Variants in FGF8 observed in about 807,000 individuals in gnomAD.
The protein encoded by FGF8 is androgen-induced growth factor.
Under a neutral mutation model 29.7 loss-of-function variants are expected in FGF8, and 12 were observed. That is an observed-to-expected ratio of 0.40 (90% CI 0.26 to 0.65). FGF8 has a LOEUF of 0.65. Among genes scored for constraint, FGF8 ranks in the 30% least tolerant of loss-of-function variants. The probability of loss-of-function intolerance (pLI) is 0.37; values close to 1 mark genes in which losing one functional copy is unlikely to be tolerated. For synonymous variants in FGF8, 157 were observed against 144.4 expected (o/e 1.09, Z -0.63); for missense variants, 271 against 345.1 (o/e 0.79, Z 1.70).
rs1361187900 is a variant in FGF8, at chr10:101,771,117, T to G, written c.444+346A>C. On this transcript the variant is annotated intron_variant, in intron 5 of 5. Transcript: ENST00000320185. This position sits in a 1 kb window ranked among gnomAD's most constrained non-coding sequence, Gnocchi z 5.3. Reference sequence around the variant, plus strand: ...CCATTTCAGAGCTCGGCCGAGGGGCTGGGCCTGCGGCTTACTGAACATTCC... The same window carrying G: ...CCATTTCAGAGCTCGGCCGAGGGGCGGGGCCTGCGGCTTACTGAACATTCC... 6.6e-6 allele frequency among the ~76,000 whole-genome samples: 1 copy of G among 152,218 alleles called. No homozygotes were observed. Among genetic ancestry groups the G allele is most frequent in the African/African-American group, 2.4e-5 (1 of 41,458 alleles).
In FGF8 at chr10:101,774,723, G is replaced by A. The variant is rs374961549; in HGVS notation, c.337+9C>T. ...GCGCATCCCACAAGCTACCTTCAGC[G>A]CGCCTTACCGAAGGGGTCGCCGTCC... On this transcript the variant is annotated intron_variant, in intron 4 of 5. Coordinates refer to ENST00000320185, the MANE Select transcript of FGF8 (RefSeq NM_033163.5). 1.2e-6 allele frequency: 2 copies of A among 1,601,238 alleles called. No individual in the cohort carries two copies. The highest frequency in any genetic ancestry group is 1.7e-6 in the Non-Finnish European group (2 of 1,179,084).
chr10:101,770,829 T>G (rs968052020), intron 5 of FGF8, among the ~76,000 whole-genome samples: 1 of 152,140 alleles, frequency 6.6e-6, no homozygotes, highest in Non-Finnish European at 1.5e-5. Context: ...CAGTGACACA[T>G]GGTTGTCTAC....
rs1053073612 is a variant in FGF8 at position 101,770,427 on chromosome 10, T to C, written c.637A>G (p.Thr213Ala). ...TCGAAGCGCAGGCTCTGCTCGGTGGTGTGGTGGCCCCGGGGCAGCCGCTTC... is the reference window on the plus strand; with the variant it reads ...TCGAAGCGCAGGCTCTGCTCGGTGGCGTGGTGGCCCCGGGGCAGCCGCTTC... ...FMKRLPRGHH[T>A]TEQSLRFEFL... Residue 213 changes from threonine (T) to alanine (A), a missense_variant, in exon 6 of 6, where the codon ACC becomes GCC. Physicochemically the swap from Thr to Ala is moderately conservative, Grantham distance 58 (BLOSUM62 0). Transcript: ENST00000320185. The C allele has an allele frequency of 1.9e-6, 3 of 1,608,800 alleles. No homozygotes were observed. The African/African-American group carries it at 4.0e-5, about 21-fold the overall frequency.
rs1335873429 is a variant in FGF8 at position 101,774,675 on chromosome 10, T to C, written c.337+57A>G. 4.7e-6 allele frequency: 7 copies of C among 1,478,500 alleles called. No homozygotes were observed. The South Asian group carries it at 5.7e-5, about 12-fold the overall frequency. 91.6% of individuals were successfully genotyped at this position (1,478,500 alleles called of 1,614,324 possible). ...CCCTGCAGGCCCCCGGCCAGTGCAG[T>C]TGGGACTGGTGGTCCAGGCGCCGCG... On this transcript the variant is annotated intron_variant, in intron 4 of 5. Transcript: ENST00000320185.
rs3218228 is a variant in FGF8 at position 101,775,088 on chromosome 10, C to G, written c.156+42G>C. The stretch of plus-strand genomic sequence containing the variant: ...CCCCACCCACGCAAGTCGGGCAGAC[C>G]CAGCCCAGGATGAACGAGCCCCAGG... On this transcript the variant is annotated intron_variant, in intron 3 of 5. Coordinates refer to ENST00000320185, the MANE Select transcript of FGF8 (RefSeq NM_033163.5). The surrounding 1 kb of genome is among the most constrained non-coding windows in gnomAD (Gnocchi z 4.6). 1.3e-6 allele frequency: 2 copies of G among 1,526,090 alleles called. No individual in the cohort carries two copies. Among genetic ancestry groups the G allele is most frequent in the Non-Finnish European group, 1.8e-6 (2 of 1,126,146 alleles). The allele number at this position is 1,526,090 out of a possible 1,614,324, so 94.5% of individuals were successfully genotyped here. A position where few individuals can be genotyped will look rare whatever the true frequency, so the allele number is the denominator to read the frequency against.
chr10:101,779,207 C>G (rs1009816069), upstream of FGF8, among the ~76,000 whole-genome samples: 2 of 152,182 alleles, frequency 1.3e-5, no homozygotes, highest in African/African-American at 4.8e-5. This position sits in a 1 kb window ranked among gnomAD's most constrained non-coding sequence, Gnocchi z 5.7. Context: ...CTCGCTCCGA[C>G]GCGCGCTTCC....
chr10:101,776,813 C>A, upstream of FGF8, among the ~76,000 whole-genome samples: 1 of 151,760 alleles, frequency 6.6e-6, no homozygotes, highest in Non-Finnish European at 1.5e-5. Context: ...CCCCCTCCCC[C>A]CATCCCATTA....
rs772780192 is a variant in FGF8, at chr10:101,772,609, C to G, written c.338-1040G>C. Among the ~76,000 whole-genome samples, 2 of 152,214 alleles carry G rather than the reference C, an allele frequency of 1.3e-5. No homozygotes were observed. Among genetic ancestry groups the G allele is most frequent in the Non-Finnish European group, 2.9e-5 (2 of 68,012 alleles). ...GCGCTGGCTCTCCTGCCGTCCCTGC[C>G]GCAGAGCCCAGCCTCTCCCCTCCCT... is the stretch of plus-strand genomic sequence containing the variant. On this transcript the variant is annotated intron_variant, in intron 4 of 5. Transcript: ENST00000320185. This position sits in a 1 kb window ranked among gnomAD's most constrained non-coding sequence, Gnocchi z 4.4.
Position 101,775,017 on chromosome 10 carries a change from A to C in FGF8, c.157-105T>G. 2.0e-6 allele frequency: 3 copies of C among 1,514,950 alleles called. No homozygotes were observed. The highest frequency in any genetic ancestry group is 1.2e-5 in the South Asian group (1 of 85,880). 93.8% of individuals were successfully genotyped at this position (1,514,950 alleles called of 1,614,324 possible). A position where few individuals can be genotyped will look rare whatever the true frequency, so the allele number is the denominator to read the frequency against. ...GTCCCCCTCACTGCCCCAAGCCGCCAGCAGGTGCTGGGGGTTCCCCCAACA... is the reference window on the plus strand; with the variant it reads ...GTCCCCCTCACTGCCCCAAGCCGCCCGCAGGTGCTGGGGGTTCCCCCAACA... On this transcript the variant is annotated intron_variant, in intron 3 of 5. Transcript: ENST00000320185. This position sits in a 1 kb window ranked among gnomAD's most constrained non-coding sequence, Gnocchi z 4.6.
chr10:101,771,106 G>A lies in FGF8; in HGVS notation c.444+357C>T, dbSNP rs577657487. 6.6e-6 allele frequency among the ~76,000 whole-genome samples: 1 copy of A among 151,562 alleles called. No individual in the cohort carries two copies. The highest frequency in any genetic ancestry group is 2.1e-4 in the South Asian group (1 of 4,784). On this transcript the variant is annotated intron_variant, in intron 5 of 5. Transcript: ENST00000320185. This position sits in a 1 kb window ranked among gnomAD's most constrained non-coding sequence, Gnocchi z 5.3. Reference sequence around the variant, plus strand: ...GACTAATGGAGCCATTTCAGAGCTCGGCCGAGGGGCTGGGCCTGCGGCTTA... The same window carrying A: ...GACTAATGGAGCCATTTCAGAGCTCAGCCGAGGGGCTGGGCCTGCGGCTTA...
Position 101,770,438 on chromosome 10 carries a change from C to T in FGF8, c.626G>A (p.Arg209Gln), listed in dbSNP as rs1418159217. 5.6e-6 allele frequency: 9 copies of T among 1,609,240 alleles called. No homozygotes were observed. Among genetic ancestry groups the T allele is most frequent in the Admixed American group, 3.4e-5 (2 of 59,036 alleles). The change falls in exon 6 of 6, where the codon CGG (arginine) becomes CAG (glutamine). Residue 209 changes from arginine to glutamine, a missense_variant. Around this residue, in one of 3 missense-constraint regions of FGF8, gnomAD observed 62 missense variants for 58.1 expected, o/e 1.07. Transcript: ENST00000320185. ...GCTCTGCTCGGTGGTGTGGTGGCCC[C>T]GGGGCAGCCGCTTCATGAAGTGGAC... ...REVHFMKRLP[R>Q]GHHTTEQSLR... is the part of the protein sequence containing the mutation.
chr10:101,779,378 C>T (rs1373239134), upstream of FGF8, among the ~76,000 whole-genome samples: 3 of 152,380 alleles, frequency 2.0e-5, no homozygotes, highest in African/African-American at 7.2e-5. This position sits in a 1 kb window ranked among gnomAD's most constrained non-coding sequence, Gnocchi z 5.7. Flanking sequence ...CCGGCGTATG[C>T]CTTCATCCCC....
At position 101,775,930 on chromosome 10, in the gene FGF8, G is replaced by GGCGGGTCACGCCGTCCC; in HGVS notation, c.-47_-31dup. 2.5e-6 allele frequency: 3 copies of GGCGGGTCACGCCGTCCC among 1,208,550 alleles called. No homozygotes were observed. In the South Asian group the frequency reaches 1.2e-4, roughly 48 times the overall value. The allele number at this position is 1,208,550 out of a possible 1,614,324, so 74.9% of individuals were successfully genotyped here. A position where few individuals can be genotyped will look rare whatever the true frequency, so the allele number is the denominator to read the frequency against. ...CGCGGCCCCGGGGCACCGAGAGCCC[G>GGCGGGTCACGCCGTCCC]GCGGGTCACGCCGTCCCGCGGGCCG... On this transcript the variant is annotated 5_prime_UTR_variant, in exon 1 of 6. Coordinates refer to ENST00000320185, the MANE Select transcript of FGF8 (RefSeq NM_033163.5). This position sits in a 1 kb window ranked among gnomAD's most constrained non-coding sequence, Gnocchi z 4.6.
rs2065074277 is a variant in FGF8 at position 101,775,274 on chromosome 10, A to C, written c.70-58T>G. On this transcript the variant is annotated intron_variant, in intron 2 of 5. Coordinates refer to ENST00000320185, the MANE Select transcript of FGF8 (RefSeq NM_033163.5). This position sits in a 1 kb window ranked among gnomAD's most constrained non-coding sequence, Gnocchi z 4.6. ...CAGCCCTCCCCGACCCCTGACATTT[A>C]TAAAGACAAATTTACGGAGCAAATG... 1 of 1,213,222 alleles carries C rather than the reference A, an allele frequency of 8.2e-7. No homozygotes were observed. Among genetic ancestry groups the C allele is most frequent in the African/African-American group, 1.5e-5 (1 of 66,840 alleles). 75.2% of individuals were successfully genotyped at this position (1,213,222 alleles called of 1,614,324 possible).
In FGF8 at chr10:101,770,187, A is replaced by G. The variant is rs1323607426; in HGVS notation, c.*142T>C. The G allele has an allele frequency of 1.4e-6, 1 of 726,930 alleles. No homozygotes were observed. The highest frequency in any genetic ancestry group is 2.1e-6 in the Non-Finnish European group (1 of 468,886). The allele number at this position is 726,930 out of a possible 1,614,324, so 45.0% of individuals were successfully genotyped here. ...AAACAGCAAAAACCCAACAGCAAAC[A>G]ATATCAACAACCGGAACCCAGGGCT... On this transcript the variant is annotated 3_prime_UTR_variant, in exon 6 of 6. Coordinates refer to ENST00000320185, the MANE Select transcript of FGF8 (RefSeq NM_033163.5).
At chr10:101,776,200 GCGCCGCACC>G (rs2065090970), upstream of FGF8, 1 of 108,790 alleles carries the variant, frequency 9.2e-6, no homozygotes, top group Admixed American at 8.7e-5. Flanking sequence ...GGGGCGGGGG[GCGCCGCACC>G]GGGCGCGAGG....
At position 101,771,431 on chromosome 10, in the gene FGF8, C is replaced by T. The variant is rs141298356; in HGVS notation, c.444+32G>A. On this transcript the variant is annotated intron_variant, in intron 5 of 5. Coordinates refer to ENST00000320185, the MANE Select transcript of FGF8 (RefSeq NM_033163.5). The surrounding 1 kb of genome is among the most constrained non-coding windows in gnomAD (Gnocchi z 5.3). ...GCCAGCCCAAGCCACTCCCTAGGTC[C>T]CGCGGACCCCACCTGCCTGCTGGGG... The T allele has an allele frequency of 4.4e-4, 690 of 1,552,276 alleles. 3 individuals are homozygous for T. The East Asian group carries it at 5.4e-3, about 12-fold the overall frequency.
Position 101,774,738 on chromosome 10 carries a change from G to T in FGF8, c.331C>A (p.Pro111Thr). 6.2e-7 allele frequency: 1 copy of T among 1,604,048 alleles called. No homozygotes were observed. The highest frequency in any genetic ancestry group is 1.3e-5 in the African/African-American group (1 of 74,990). The change falls in exon 4 of 6, where the codon CCC becomes ACC. Residue 111 changes from proline to threonine, a missense_variant. This residue lies in a region of FGF8 where 168 missense variants were observed against 207.0 expected (regional missense o/e 0.81). Coordinates refer to ENST00000320185, the MANE Select transcript of FGF8 (RefSeq NM_033163.5). Reference sequence around the variant, plus strand: ...TACCTTCAGCGCGCCTTACCGAAGGGGTCGCCGTCCTCTGCCATGGCGTTG... The same window carrying T: ...TACCTTCAGCGCGCCTTACCGAAGGTGTCGCCGTCCTCTGCCATGGCGTTG... ...RINAMAEDGDPFAKLIVETDT... is the reference protein window; with the variant it reads ...RINAMAEDGDTFAKLIVETDT...
Position 101,772,349 on chromosome 10 carries a change from CAGTGACCAAAT to C in FGF8, c.338-791_338-781del, listed in dbSNP as rs1216711871. Among the ~76,000 whole-genome samples the C allele has an allele frequency of 1.3e-5, 2 of 152,228 alleles. No individual in the cohort carries two copies. The highest frequency in any genetic ancestry group is 2.9e-5 in the Non-Finnish European group (2 of 68,030). On this transcript the variant is annotated intron_variant, in intron 4 of 5. Coordinates refer to ENST00000320185, the MANE Select transcript of FGF8 (RefSeq NM_033163.5). The surrounding 1 kb of genome is among the most constrained non-coding windows in gnomAD (Gnocchi z 4.4). ...CTCATCACAGCTGGGCTTCTCAGCC[CAGTGACCAAAT>C]AGCTTCTGTGGGTGAGGAGGAGGGA...
Sources: gnomAD v4.1 joint callset for allele counts (sites outside exome capture counted in the v4.1 genomes callset) on GRCh38, gnomAD v4.1.1 for gene constraint, gnomAD v4.1.1 regional missense constraint, Gnocchi (gnomAD v3.1) non-coding constraint, MANE v1.5 for transcripts, NCBI Gene and HGNC (gene_info 2026-07-23, HGNC 2026-07-21) for gene names.